The following LRRC34 variants were observed in gnomAD, a reference collection of about 807,000 sequenced individuals.
LRRC34 encodes leucine rich repeat containing 34, also known as leucine-rich repeat-containing protein 34.
LRRC34 carries 44 observed loss-of-function variants against 48.5 expected under a neutral mutation model. The observed-to-expected ratio is 0.91, with a 90% CI of 0.71 to 1.17. LRRC34 has a LOEUF of 1.17. LRRC34 is among the 50% of genes most tolerant of loss of function. LRRC34 has a pLI of 0.00. For missense variants in LRRC34, 502 were observed against 563.0 expected (o/e 0.89, Z 1.10); for synonymous variants, 192 against 197.6 (o/e 0.97, Z 0.24).
chr3:169,808,700 A>C lies in LRRC34; in HGVS notation c.185T>G (p.Met62Arg), dbSNP rs777113567. Residue 62 changes from methionine (M) to arginine (R), a missense_variant, in exon 2 of 11, where the codon ATG (methionine) becomes AGG (arginine). Coordinates refer to ENST00000446859, the MANE Select transcript of LRRC34 (RefSeq NM_001172779.2). ...AGGATTAATTTTCTGGGATTTTTCC[A>C]TACACAGATTAGAATAATGTTTCTG... ...GLQKHYSNLCMEKSQKINPFI... is the reference protein window; with the variant it reads ...GLQKHYSNLCREKSQKINPFI... The C allele has an allele frequency of 6.3e-7, 1 of 1,597,856 alleles. No homozygotes were observed. Among genetic ancestry groups the C allele is most frequent in the Non-Finnish European group, 8.6e-7 (1 of 1,167,668 alleles).
At chr3:169,798,721 A>G (rs563032585) in intron 7 of LRRC34, among the ~76,000 whole-genome samples, 4 of 152,330 alleles carry the variant, frequency 2.6e-5, no homozygotes, top group East Asian at 1.9e-4. Context: ...ATATATAAAC[A>G]TATTTCCACA....
At chr3:169,797,465 C>CT (rs34463606) in intron 7 of LRRC34, among the ~76,000 whole-genome samples, 6 of 151,994 alleles carry the variant, frequency 3.9e-5, no homozygotes, top group East Asian at 1.9e-4. Flanking sequence ...CATCAGAAGA[C>CT]TTTTTTTTAA....
intron 7 of LRRC34, among the ~76,000 whole-genome samples, chr3:169,800,432 A>G (rs1779148875): frequency 6.6e-6 from 1 of 152,250 alleles, no homozygotes; most frequent in Admixed American, 6.5e-5. Context: ...AAAAGATGAC[A>G]TGTTTGCTGC....
chr3:169,795,418 T>G lies in LRRC34; in HGVS notation c.1191+67A>C, dbSNP rs992011230. On this transcript the variant is annotated intron_variant, in intron 10 of 10. Coordinates refer to ENST00000446859, the MANE Select transcript of LRRC34 (RefSeq NM_001172779.2). The stretch of plus-strand genomic sequence containing the variant: ...TAACCATTTCTGAGGCACCTGTAAA[T>G]AATATCTGATGTTACAGAGATGATC... 34 of 1,488,162 alleles carry G rather than the reference T, an allele frequency of 2.3e-5. No homozygotes were observed. In the Admixed American group the frequency reaches 6.7e-4, roughly 29 times the overall value. 92.2% of individuals were successfully genotyped at this position (1,488,162 alleles called of 1,614,324 possible). A position where few individuals can be genotyped will look rare whatever the true frequency, so the allele number is the denominator to read the frequency against.
At chr3:169,805,663 T>A (rs1447022638) in intron 5 of LRRC34, among the ~76,000 whole-genome samples, 5 of 152,080 alleles carry the variant, frequency 3.3e-5, no homozygotes, top group Non-Finnish European at 7.4e-5. Flanking sequence ...GGTGGGCAGA[T>A]AATCTGAGGT....
In LRRC34 at chr3:169,807,721, C is replaced by CAAAAAAAAAAAA. The variant is rs377198673; in HGVS notation, c.258-24_258-13dup. ...TTCCTGCTGCTAGCCTGTTAAAATA[C>CAAAAAAAAAAAA]AAAAAAAAAAAAAAAAAAAAAAGAT... On this transcript the variant is annotated splice_polypyrimidine_tract_variant and intron_variant, in intron 2 of 10. Coordinates refer to ENST00000446859, the MANE Select transcript of LRRC34 (RefSeq NM_001172779.2). 3 of 883,702 alleles carry CAAAAAAAAAAAA rather than the reference C, an allele frequency of 3.4e-6. No individual in the cohort carries two copies. Among genetic ancestry groups the CAAAAAAAAAAAA allele is most frequent in the Admixed American group, 8.8e-5 (1 of 11,358 alleles). 54.7% of individuals were successfully genotyped at this position (883,702 alleles called of 1,614,324 possible).
At chr3:169,804,636 T>C (rs1779312902) in intron 5 of LRRC34, among the ~76,000 whole-genome samples, 1 of 152,186 alleles carries the variant, frequency 6.6e-6, no homozygotes, top group Admixed American at 6.5e-5. Flanking sequence ...CAATCTACCA[T>C]AATAGATAAA....
intron 2 of LRRC34, 74 bp downstream of exon 2, chr3:169,808,554 C>G: frequency 1.2e-6 from 1 of 823,886 alleles, no homozygotes; most frequent in South Asian, 1.6e-5. Context: ...TAAAATCACT[C>G]AATATGTTAG....
At chr3:169,798,711 A>G (rs1779081371) in intron 7 of LRRC34, among the ~76,000 whole-genome samples, 1 of 152,210 alleles carries the variant, frequency 6.6e-6, no homozygotes, top group Admixed American at 6.5e-5. Flanking sequence ...GTGATCTCCT[A>G]TATATAAACA....
At chr3:169,794,415 A>G (rs1221133731) in intron 10 of LRRC34, 1 of 148,928 alleles carries the variant, frequency 6.7e-6, no homozygotes, top group Non-Finnish European at 1.5e-5. Flanking sequence ...GAATTTTTAT[A>G]CTTTTTTTTT....
At chr3:169,809,255 T>C in intron 1 of LRRC34, among the ~76,000 whole-genome samples, 1 of 149,520 alleles carries the variant, frequency 6.7e-6, no homozygotes, top group Non-Finnish European at 1.5e-5. Context: ...GAGGAAAAGG[T>C]TTCTTAAAAT....
At chr3:169,804,797 G>A (rs1779318461) in intron 5 of LRRC34, among the ~76,000 whole-genome samples, 1 of 151,980 alleles carries the variant, frequency 6.6e-6, no homozygotes, top group African/African-American at 2.4e-5. Flanking sequence ...TTTAAATTGA[G>A]GTGAAATTCA....
chr3:169,807,714 TA>T lies in LRRC34; in HGVS notation c.258-6del. ...AATGTGATTCCTGCTGCTAGCCTGT[TA>T]AAATACAAAAAAAAAAAAAAAAAAA... On this transcript the variant is annotated splice_polypyrimidine_tract_variant and splice_region_variant and intron_variant, in intron 2 of 10. Coordinates refer to ENST00000446859, the MANE Select transcript of LRRC34 (RefSeq NM_001172779.2). The T allele has an allele frequency of 9.6e-7, 1 of 1,036,278 alleles. No homozygotes were observed. The highest frequency in any genetic ancestry group is 2.8e-4 in the Middle Eastern group (1 of 3,590). 64.2% of individuals were successfully genotyped at this position (1,036,278 alleles called of 1,614,324 possible).
intron 5 of LRRC34, among the ~76,000 whole-genome samples, chr3:169,804,929 C>G (rs1432212277): frequency 6.6e-6 from 1 of 152,188 alleles, no homozygotes; most frequent in Non-Finnish European, 1.5e-5. Context: ...GAAGCCGGTC[C>G]TATACCATTA....
At chr3:169,799,743 C>T (rs1196516298) in intron 7 of LRRC34, among the ~76,000 whole-genome samples, 2 of 152,204 alleles carry the variant, frequency 1.3e-5, no homozygotes, top group South Asian at 2.1e-4. Context: ...GATGAAGTCT[C>T]GCTCTGTCGC....
intron 5 of LRRC34, among the ~76,000 whole-genome samples, 197 bp downstream of exon 5, chr3:169,806,651 G>C (rs1779385531): frequency 1.3e-5 from 2 of 152,136 alleles, no homozygotes; most frequent in South Asian, 4.1e-4. Context: ...TTATGTATGT[G>C]AGTTAAATCT....
chr3:169,812,518 C>T lies in LRRC34; in HGVS notation c.31G>A (p.Glu11Lys), dbSNP rs1448247382. ...TCCCGGGAGCTCCCCATGCTCCTCT[C>T]ACCCACTGGCCGCGGCGGCTGCGCT... MAAQPPRPVGERSMGSSREAA... is the reference protein window; with the variant it reads MAAQPPRPVGKRSMGSSREAA... The change falls in exon 1 of 11, where the codon GAG becomes AAG. Residue 11 changes from glutamate to lysine, a missense_variant. Coordinates refer to ENST00000446859, the MANE Select transcript of LRRC34 (RefSeq NM_001172779.2). The surrounding 1 kb of genome is among the most constrained non-coding windows in gnomAD (Gnocchi z 4.3). 1 of 1,515,052 alleles carries T rather than the reference C, an allele frequency of 6.6e-7. No individual in the cohort carries two copies. The highest frequency in any genetic ancestry group is 1.2e-5 in the South Asian group (1 of 81,838). The allele number at this position is 1,515,052 out of a possible 1,614,324, so 93.9% of individuals were successfully genotyped here.
At chr3:169,807,524 T>C in intron 3 of LRRC34, 34 bp from the exon 4 acceptor site, 2 of 1,612,204 alleles carry the variant, frequency 1.2e-6, no homozygotes, top group Non-Finnish European at 1.7e-6. Context: ...GGATATTCAT[T>C]ATAAAGAATA....
chr3:169,810,546 G>A (rs1424147683), intron 1 of LRRC34, among the ~76,000 whole-genome samples: 1 of 152,082 alleles, frequency 6.6e-6, no homozygotes, highest in African/African-American at 2.4e-5. Flanking sequence ...AAATTTTCAT[G>A]TATTTAAATG....
Sources: gnomAD v4.1 joint callset for allele counts (sites outside exome capture counted in the v4.1 genomes callset) on GRCh38, gnomAD v4.1.1 for gene constraint, Gnocchi (gnomAD v3.1) non-coding constraint, MANE v1.5 for transcripts, NCBI Gene and HGNC (gene_info 2026-07-23, HGNC 2026-07-21) for gene names.